Variants in FNBP1 observed in about 807,000 individuals in gnomAD.
FNBP1 encodes the protein formin binding protein 1.
In FNBP1, 26 loss-of-function variants were observed where a neutral mutation model predicts 90.6. The observed-to-expected ratio is 0.29, with a 90% CI of 0.21 to 0.40. The LOEUF (loss-of-function observed/expected upper bound fraction) is 0.40. Among genes scored for constraint, FNBP1 ranks in the 10% least tolerant of loss-of-function variants. The probability of loss-of-function intolerance (pLI) is 1.00; values close to 1 mark genes in which losing one functional copy is unlikely to be tolerated. For missense variants in FNBP1, 635 were observed against 768.0 expected (o/e 0.83, Z 2.05); for synonymous variants, 260 against 265.2 (o/e 0.98, Z 0.19).
At chr9:129,909,450 A>G (rs1220920178) in intron 11 of FNBP1, among the ~76,000 whole-genome samples, 1 of 152,130 alleles carries the variant, frequency 6.6e-6, no homozygotes, top group Non-Finnish European at 1.5e-5. Flanking sequence ...CCCTAGCGTG[A>G]GTATTCCTGC....
chr9:129,958,985 C>CAGAAAAAAAAAAAAAAA (rs2047365949), intron 4 of FNBP1, among the ~76,000 whole-genome samples: 8 of 9,156 alleles, frequency 8.7e-4, no homozygotes, highest in Admixed American at 5.0e-3. Context: ...AACTCTGCCT[C>CAGAAAAAAAAAAAAAAA]AAAAAAAAAA....
Position 129,891,004 on chromosome 9 carries a change from A to G in FNBP1, c.1847-458T>C, listed in dbSNP as rs1018814256. On this transcript the variant is annotated intron_variant, in intron 16 of 16. Transcript: ENST00000446176. ...AACCCATCTCTATTAAAAATACAAC[A>G]ATTAGCCTGGCGTGGTGGCAGGTGC... is the stretch of plus-strand genomic sequence containing the variant. Among the ~76,000 whole-genome samples, 9 of 152,002 alleles carry G rather than the reference A, an allele frequency of 5.9e-5. No individual in the cohort carries two copies. In the East Asian group the frequency reaches 1.7e-3, roughly 29 times the overall value.
Position 129,924,070 on chromosome 9 carries a change from CAAG to C in FNBP1, c.988-47_988-45del, listed in dbSNP as rs1260223629. ...GCCGTGACAGAGTAAAAATCAGAAA[CAAG>C]AAGACACAAAACAAAAATAAGCATC... On this transcript the variant is annotated intron_variant, in intron 9 of 16. Coordinates refer to ENST00000446176, the MANE Select transcript of FNBP1 (RefSeq NM_015033.3). The C allele has an allele frequency of 2.7e-6, 4 of 1,472,050 alleles. No individual in the cohort carries two copies. The African/African-American group carries it at 4.5e-5, about 16-fold the overall frequency. 91.2% of individuals were successfully genotyped at this position (1,472,050 alleles called of 1,614,324 possible). A position where few individuals can be genotyped will look rare whatever the true frequency, so the allele number is the denominator to read the frequency against.
chr9:129,954,850 T>C (rs1381674455), intron 6 of FNBP1, among the ~76,000 whole-genome samples: 1 of 151,882 alleles, frequency 6.6e-6, no homozygotes, highest in East Asian at 1.9e-4. Context: ...TACAAAAAAT[T>C]AGCTGGGCGT....
chr9:129,964,277 G>T (rs2048255166), intron 4 of FNBP1, among the ~76,000 whole-genome samples: 1 of 152,078 alleles, frequency 6.6e-6, no homozygotes. Context: ...AAGATAAAAA[G>T]TGCTTCTTTT....
chr9:129,991,957 C>A (rs1363983936), intron 2 of FNBP1, among the ~76,000 whole-genome samples: 2 of 152,214 alleles, frequency 1.3e-5, no homozygotes, highest in Non-Finnish European at 2.9e-5. Context: ...CCGCGCCCAG[C>A]CAAGTTTTTA....
chr9:129,894,355 T>A (rs1312429980), intron 16 of FNBP1, among the ~76,000 whole-genome samples: 1 of 152,200 alleles, frequency 6.6e-6, no homozygotes, highest in African/African-American at 2.4e-5. Flanking sequence ...AATTCTCATG[T>A]GGCCTAGATT....
intron 6 of FNBP1, among the ~76,000 whole-genome samples, chr9:129,931,578 C>G (rs1179985949): frequency 6.6e-6 from 1 of 151,712 alleles, no homozygotes; most frequent in Admixed American, 6.6e-5. Context: ...TATACTCCAG[C>G]CTGGGCGACA....
intron 16 of FNBP1, among the ~76,000 whole-genome samples, chr9:129,893,285 T>C (rs1160198721): frequency 2.0e-5 from 3 of 151,920 alleles, no homozygotes; most frequent in Non-Finnish European, 4.4e-5. Context: ...GTGGCTTTAT[T>C]GATACTATGC....
chr9:129,912,680 A>C (rs1415578338), intron 11 of FNBP1, among the ~76,000 whole-genome samples: 1 of 137,522 alleles, frequency 7.3e-6, no homozygotes, highest in Non-Finnish European at 1.6e-5. Context: ...ACATGAGTAA[A>C]ACTCCATCTC....
Position 129,983,454 on chromosome 9 carries a change from AAAG to A in FNBP1, c.141-4083_141-4081del, listed in dbSNP as rs536993390. ...TTTATCTCAAGAACTGCTACAAAAAAAAGATCAACTTTCCATTGCTGTTCTCTT... is the reference window on the plus strand; with the variant it reads ...TTTATCTCAAGAACTGCTACAAAAAAATCAACTTTCCATTGCTGTTCTCTT... On this transcript the variant is annotated intron_variant, in intron 2 of 16. Coordinates refer to ENST00000446176, the MANE Select transcript of FNBP1 (RefSeq NM_015033.3). Among the ~76,000 whole-genome samples the A allele has an allele frequency of 2.5e-3, 388 of 152,336 alleles. 8 individuals are homozygous for A. The highest frequency in any genetic ancestry group is 8.2e-4 in the Non-Finnish European group (56 of 68,030).
chr9:129,986,942 A>G (rs2052372251), intron 2 of FNBP1, among the ~76,000 whole-genome samples: 1 of 152,148 alleles, frequency 6.6e-6, no homozygotes, highest in African/African-American at 2.4e-5. Context: ...AATGAAGCAT[A>G]GAATTTACAC....
the FNBP1 span, among the ~76,000 whole-genome samples, chr9:130,049,625 T>C: frequency 1.3e-5 from 2 of 151,364 alleles, no homozygotes; most frequent in Admixed American, 1.3e-4. Context: ...CGCTTGAGCC[T>C]GGGAGTTGGA....
At chr9:130,018,108 GT>G (rs1473755549) in intron 1 of FNBP1, among the ~76,000 whole-genome samples, 1 of 151,390 alleles carries the variant, frequency 6.6e-6, no homozygotes, top group Non-Finnish European at 1.5e-5. Context: ...TAGAGACAGA[GT>G]TTCACTGTGT....
At chr9:129,973,795 G>A (rs759760227) in intron 4 of FNBP1, among the ~76,000 whole-genome samples, 12 of 146,392 alleles carry the variant, frequency 8.2e-5, no homozygotes, top group East Asian at 2.1e-4. Flanking sequence ...GAGCCACCGC[G>A]CCTGGCCTCT....
In FNBP1 at chr9:129,921,944, G is replaced by T. The variant is rs991718067; in HGVS notation, c.1170+1900C>A. On this transcript the variant is annotated intron_variant, in intron 10 of 16. Coordinates refer to ENST00000446176, the MANE Select transcript of FNBP1 (RefSeq NM_015033.3). ...GGCACTACCAGGTACTATTTGGAAA[G>T]AAGTAACCCAACCGTCAGTTGACTG... Among the ~76,000 whole-genome samples, 5 of 152,152 alleles carry T rather than the reference G, an allele frequency of 3.3e-5. No individual in the cohort carries two copies. The East Asian group carries it at 9.6e-4, about 29-fold the overall frequency.
intron 12 of FNBP1, 112 bp downstream of exon 12, chr9:129,908,778 C>T (rs987076069): frequency 3.0e-6 from 2 of 668,572 alleles, no homozygotes; most frequent in African/African-American, 1.8e-5. Flanking sequence ...GTCTTGATCT[C>T]TTGACCTCAG....
chr9:129,999,228 T>G (rs1427238104), intron 1 of FNBP1, among the ~76,000 whole-genome samples: 4 of 152,144 alleles, frequency 2.6e-5, no homozygotes, highest in African/African-American at 9.7e-5. Context: ...GGGGATGGTG[T>G]CATCAAAAAT....
intron 1 of FNBP1, among the ~76,000 whole-genome samples, chr9:129,995,525 T>C (rs916391883): frequency 2.6e-5 from 4 of 152,162 alleles, no homozygotes; most frequent in African/African-American, 9.7e-5. Context: ...GAGTTTGCAT[T>C]GTGCCTTGGG....
Sources: gnomAD v4.1 joint callset for allele counts (sites outside exome capture counted in the v4.1 genomes callset) on GRCh38, gnomAD v4.1.1 for gene constraint, MANE v1.5 for transcripts, NCBI Gene and HGNC (gene_info 2026-07-23, HGNC 2026-07-21) for gene names.